The following SCARA5 variants were observed in gnomAD, a reference collection of about 807,000 sequenced individuals.
SCARA5 encodes the protein scavenger receptor class A, member 5 (putative).
SCARA5 carries 45 observed loss-of-function variants against 46.3 expected under a neutral mutation model. The observed-to-expected ratio is 0.97, with a 90% CI of 0.76 to 1.24. SCARA5 has a LOEUF of 1.24. Ranked by LOEUF, SCARA5 falls within the 50% of genes most tolerant of loss-of-function variation. SCARA5 has a pLI of 0.00. For synonymous variants in SCARA5, 333 were observed against 306.5 expected, an observed-to-expected ratio of 1.09 and a Z score of -0.90; for missense variants, 680 against 689.0, an observed-to-expected ratio of 0.99 and a Z score of 0.15.
intron 2 of SCARA5, among the ~76,000 whole-genome samples, chr8:27,980,978 G>C (rs1339092127): frequency 6.6e-6 from 1 of 152,132 alleles, no homozygotes; most frequent in Non-Finnish European, 1.5e-5. Flanking sequence ...CTGGGTGGCA[G>C]CAGCTCCTTC....
At chr8:27,912,893 T>C (rs533404285) in intron 4 of SCARA5, among the ~76,000 whole-genome samples, 1 of 152,316 alleles carries the variant, frequency 6.6e-6, no homozygotes, top group South Asian at 2.1e-4. Context: ...ATATTGAGTC[T>C]TGGGTTCAAG....
rs955185420 is a variant in SCARA5, at chr8:27,887,574, A to T, written c.1154-7808T>A. On this transcript the variant is annotated intron_variant, in intron 7 of 8. Transcript: ENST00000354914. ...TAAAAACAAGGAGAGGCTGTTCTTG[A>T]CAGCTTATTCCAATCCCCATCCCAC... Among the ~76,000 whole-genome samples, 3 of 152,310 alleles carry T rather than the reference A, an allele frequency of 2.0e-5. No homozygotes were observed. In the East Asian group the frequency reaches 5.8e-4, roughly 29 times the overall value.
rs1554574401 is a variant in SCARA5 at position 27,950,879 on chromosome 8, G to GGAAAAAA, written c.241+15534_241+15535insTTTTTTC. 6.2e-3 allele frequency among the ~76,000 whole-genome samples: 875 copies of GGAAAAAA among 141,004 alleles called. 10 individuals are homozygous for GGAAAAAA. Among genetic ancestry groups the GGAAAAAA allele is most frequent in the African/African-American group, 0.02 (754 of 38,342 alleles). The allele number at this position is 141,004 out of a possible 152,430, so 92.5% of individuals were successfully genotyped here. On this transcript the variant is annotated intron_variant, in intron 3 of 8. Coordinates refer to ENST00000354914, the MANE Select transcript of SCARA5 (RefSeq NM_173833.6). Reference sequence around the variant, plus strand: ...CCTATTTCAGCACTCAGCTTTATGGGAAAAAAAAAAAAAGGTCAGTGTGGA... The same window carrying GGAAAAAA: ...CCTATTTCAGCACTCAGCTTTATGGGGAAAAAAAAAAAAAAAAAAAGGTCAGTGTGGA...
chr8:27,989,129 C>CTTTTTTTT (rs34929623), intron 1 of SCARA5, among the ~76,000 whole-genome samples: 361 of 68,310 alleles, frequency 5.3e-3, no homozygotes, highest in East Asian at 9.3e-3. Flanking sequence ...TTCTTTCTTT[C>CTTTTTTTT]TTTTTTTTTT....
chr8:27,948,578 G>A (rs899866278), intron 3 of SCARA5, among the ~76,000 whole-genome samples: 7 of 152,218 alleles, frequency 4.6e-5, no homozygotes, highest in African/African-American at 1.7e-4. Context: ...CATGTGTTTG[G>A]GATTTGAGCA....
At chr8:27,927,319 C>A (rs1163030850) in intron 3 of SCARA5, among the ~76,000 whole-genome samples, 1 of 152,232 alleles carries the variant, frequency 6.6e-6, no homozygotes, top group East Asian at 1.9e-4. Flanking sequence ...ATCATCCACC[C>A]CTTCCCAGAG....
At chr8:27,879,951 T>TA (rs566340702) in intron 7 of SCARA5, among the ~76,000 whole-genome samples, 185 bp from the exon 8 acceptor site, 302 of 152,106 alleles carry the variant, frequency 2.0e-3, no homozygotes, top group Middle Eastern at 3.4e-3. Context: ...CTCCCCACCT[T>TA]AAAAAAATAG....
intron 7 of SCARA5, among the ~76,000 whole-genome samples, chr8:27,895,085 T>C (rs1807042568): frequency 6.6e-6 from 1 of 152,076 alleles, no homozygotes; most frequent in Admixed American, 6.5e-5. Flanking sequence ...TTTATGTTTG[T>C]TTTCCCTGCC....
intron 4 of SCARA5, among the ~76,000 whole-genome samples, chr8:27,911,293 G>A (rs1173887337): frequency 6.6e-6 from 1 of 152,148 alleles, no homozygotes; most frequent in Non-Finnish European, 1.5e-5. Context: ...TCTTTCCTAA[G>A]AAAATTGCCA....
At chr8:27,926,778 G>A (rs1664850969) in intron 3 of SCARA5, among the ~76,000 whole-genome samples, 1 of 152,084 alleles carries the variant, frequency 6.6e-6, no homozygotes, top group South Asian at 2.1e-4. Flanking sequence ...AATCTGAGAG[G>A]TTCTGAGAGG....
chr8:27,979,747 G>C lies in SCARA5; in HGVS notation c.112+7757C>G, dbSNP rs190556206. 2.9e-3 allele frequency among the ~76,000 whole-genome samples: 436 copies of C among 152,114 alleles called. 3 individuals carry two copies. Among genetic ancestry groups the C allele is most frequent in the East Asian group, 9.3e-3 (48 of 5,164 alleles). ...CTAATTTTTTTTGTATTTTAGTAGA[G>C]ACAGGGTTCCACCATGTTGCCCAGG... On this transcript the variant is annotated intron_variant, in intron 2 of 8. Transcript: ENST00000354914.
rs1418251573 is a variant in SCARA5 at position 27,872,027 on chromosome 8, T to C, written c.1395A>G (p.Thr465=). The change falls in exon 9 of 9, where the codon ACA becomes ACG. Residue 465 remains threonine (T), a synonymous_variant. Coordinates refer to ENST00000354914, the MANE Select transcript of SCARA5 (RefSeq NM_173833.6). The part of the protein sequence containing the change: ...IWMDDVACKG[T]EETIFRCSFS... ...AGCTGCAGCGGAAGATGGTTTCCTCTGTGCCCTTGCAGGCAACGTCATCCA... is the reference window on the plus strand; with the variant it reads ...AGCTGCAGCGGAAGATGGTTTCCTCCGTGCCCTTGCAGGCAACGTCATCCA... 6.2e-7 allele frequency: 1 copy of C among 1,614,122 alleles called. No homozygotes were observed. The highest frequency in any genetic ancestry group is 8.5e-7 in the Non-Finnish European group (1 of 1,180,050).
chr8:27,915,059 C>T (rs928325979), intron 4 of SCARA5, among the ~76,000 whole-genome samples: 1 of 152,222 alleles, frequency 6.6e-6, no homozygotes, highest in African/African-American at 2.4e-5. Context: ...AAAACCACCC[C>T]CAGAACCATG....
intron 4 of SCARA5, among the ~76,000 whole-genome samples, chr8:27,912,621 G>T (rs1362725960): frequency 2.0e-5 from 3 of 152,340 alleles, no homozygotes; most frequent in Admixed American, 6.5e-5. Flanking sequence ...CTGGGAGAGG[G>T]TACCTAGATC....
intron 3 of SCARA5, among the ~76,000 whole-genome samples, chr8:27,926,451 G>C (rs1399424612): frequency 6.6e-6 from 1 of 152,008 alleles, no homozygotes; most frequent in African/African-American, 2.4e-5. Flanking sequence ...CTGTCAGGGG[G>C]TGGGGGACTG....
At position 27,921,657 on chromosome 8, in the gene SCARA5, A is replaced by G. The variant is rs1163661724; in HGVS notation, c.830T>C (p.Leu277Pro). ...VGMELQLKQE[L>P]AMLNAVTEDL... ...CTCGGTGACCGCGTTGAGCATGGCCAGCTCCTGCTTCAGCTGCAGCTCCAT... is the reference window on the plus strand; with the variant it reads ...CTCGGTGACCGCGTTGAGCATGGCCGGCTCCTGCTTCAGCTGCAGCTCCAT... The change falls in exon 4 of 9, where the codon CTG (leucine) becomes CCG (proline). Residue 277 changes from leucine to proline, a missense_variant. Physicochemically the swap from Leu to Pro is moderately conservative, Grantham distance 98. Transcript: ENST00000354914. The G allele has an allele frequency of 1.6e-5, 25 of 1,609,280 alleles. No homozygotes were observed. Among genetic ancestry groups the G allele is most frequent in the Non-Finnish European group, 2.0e-5 (24 of 1,177,698 alleles).
At chr8:27,911,457 C>T (rs368943663) in intron 4 of SCARA5, among the ~76,000 whole-genome samples, 2 of 152,156 alleles carry the variant, frequency 1.3e-5, no homozygotes, top group East Asian at 1.9e-4. Context: ...TTTGGGAGGC[C>T]GAGGAGGGTG....
chr8:27,971,223 T>G (rs555101766), intron 2 of SCARA5, among the ~76,000 whole-genome samples: 1 of 152,310 alleles, frequency 6.6e-6, no homozygotes, highest in East Asian at 1.9e-4. Context: ...ATGAGGTTGG[T>G]GCGGAAGGGA....
intron 3 of SCARA5, among the ~76,000 whole-genome samples, chr8:27,927,108 A>C (rs990319100): frequency 1.3e-5 from 2 of 152,212 alleles, no homozygotes; most frequent in Non-Finnish European, 2.9e-5. Flanking sequence ...TGAAGTGGAC[A>C]ATTTTCTTCC....
Sources: gnomAD v4.1 joint callset for allele counts (sites outside exome capture counted in the v4.1 genomes callset) on GRCh38, gnomAD v4.1.1 for gene constraint, MANE v1.5 for transcripts, NCBI Gene and HGNC (gene_info 2026-07-23, HGNC 2026-07-21) for gene names.